The following OSTF1 variants were observed in gnomAD, a reference collection of about 807,000 sequenced individuals.
OSTF1 encodes the protein osteoclast-stimulating factor 1.
Under a neutral mutation model 37.2 loss-of-function variants are expected in OSTF1, and 27 were observed. The ratio of observed to expected loss-of-function variants is 0.73; its 90% confidence interval spans 0.54 to 1.00. The LOEUF is 1.00. Among genes scored for constraint, OSTF1 ranks in the 50% least tolerant of loss-of-function variants. The probability of loss-of-function intolerance (pLI) is 0.00; values close to 1 mark genes in which losing one functional copy is unlikely to be tolerated. For missense variants in OSTF1, 232 were observed against 253.8 expected, an observed-to-expected ratio of 0.91 and a Z score of 0.58; for synonymous variants, 82 against 89.2, an observed-to-expected ratio of 0.92 and a Z score of 0.46.
At position 75,117,563 on chromosome 9, in the gene OSTF1, T is replaced by C; in HGVS notation, c.81+13T>C. 6.3e-7 allele frequency: 1 copy of C among 1,579,878 alleles called. No individual in the cohort carries two copies. Among genetic ancestry groups the C allele is most frequent in the Non-Finnish European group, 8.7e-7 (1 of 1,149,888 alleles). On this transcript the variant is annotated intron_variant, in intron 2 of 9. Transcript: ENST00000346234. ...TGAACCCAGAACTGTAAGTGTTCAG[T>C]TTTTAACTTCTAAAATTGACAGAAA...
intron 1 of OSTF1, among the ~76,000 whole-genome samples, chr9:75,096,732 T>G (rs1204011555): frequency 9.9e-5 from 15 of 152,260 alleles, no homozygotes; most frequent in Admixed American, 3.9e-4. Context: ...CCTGACCAAA[T>G]CCATATTTGG....
chr9:75,138,041 T>G (rs1825870851), intron 8 of OSTF1, among the ~76,000 whole-genome samples: 1 of 152,216 alleles, frequency 6.6e-6, no homozygotes, highest in African/African-American at 2.4e-5. Context: ...TGTCCTGCTT[T>G]GAGCTGAGCA....
chr9:75,120,407 TA>T (rs1295744963), intron 2 of OSTF1, among the ~76,000 whole-genome samples: 2 of 152,006 alleles, frequency 1.3e-5, no homozygotes, highest in African/African-American at 2.4e-5. Context: ...CTGAGAGGGA[TA>T]AAAGTGAGGG....
intron 1 of OSTF1, among the ~76,000 whole-genome samples, chr9:75,115,379 A>G (rs867808507): frequency 6.6e-6 from 1 of 151,738 alleles, no homozygotes; most frequent in Non-Finnish European, 1.5e-5. Flanking sequence ...GCAACCTCCA[A>G]CTCCTGGGTT....
At chr9:75,117,985 G>A (rs1164935400) in intron 2 of OSTF1, among the ~76,000 whole-genome samples, 2 of 152,000 alleles carry the variant, frequency 1.3e-5, no homozygotes, top group Admixed American at 6.6e-5. Flanking sequence ...TGTAGTTTCC[G>A]GTATCCGTCC....
intron 2 of OSTF1, among the ~76,000 whole-genome samples, chr9:75,127,121 G>A (rs1183363634): frequency 1.3e-5 from 2 of 152,186 alleles, no homozygotes; most frequent in African/African-American, 4.8e-5. Flanking sequence ...CTTAAAATGA[G>A]CAGATAGCAG....
At chr9:75,100,481 A>G (rs751860559) in intron 1 of OSTF1, among the ~76,000 whole-genome samples, 22 of 152,070 alleles carry the variant, frequency 1.4e-4, no homozygotes, top group Non-Finnish European at 2.8e-4. Context: ...TGTAATCCCA[A>G]CAGTTTGGGA....
In OSTF1 at chr9:75,088,586, C is replaced by T; in HGVS notation, c.-107C>T. On this transcript the variant is annotated 5_prime_UTR_variant, in exon 1 of 10. In the 5' UTR this introduces an upstream ATG that the reference lacks. Transcript: ENST00000346234. ...GTGGGCGCCGGTCCTAGGAGGCGCA[C>T]GGTTGTAAGCCAGACAAAAAGAACT... is the stretch of plus-strand genomic sequence containing the variant. 1 of 1,235,134 alleles carries T rather than the reference C, an allele frequency of 8.1e-7. No homozygotes were observed. 76.5% of individuals were successfully genotyped at this position (1,235,134 alleles called of 1,614,324 possible). A position where few individuals can be genotyped will look rare whatever the true frequency, so the allele number is the denominator to read the frequency against.
chr9:75,111,981 G>A (rs1043331856), intron 1 of OSTF1, among the ~76,000 whole-genome samples: 19 of 151,432 alleles, frequency 1.3e-4, no homozygotes, highest in African/African-American at 4.6e-4. Flanking sequence ...GTGCCACCAC[G>A]CCCAGCTAAT....
intron 7 of OSTF1, 94 bp downstream of exon 7, chr9:75,134,489 A>G: frequency 1.5e-6 from 1 of 661,370 alleles, no homozygotes; most frequent in Non-Finnish European, 2.7e-6. Flanking sequence ...TGTAGTCAAA[A>G]TCCCACAAGC....
At chr9:75,098,815 G>C (rs776495139) in intron 1 of OSTF1, among the ~76,000 whole-genome samples, 18 of 152,208 alleles carry the variant, frequency 1.2e-4, no homozygotes, top group Non-Finnish European at 1.8e-4. Context: ...CCAGAGAGGA[G>C]GGTTTTCAGT....
intron 8 of OSTF1, among the ~76,000 whole-genome samples, chr9:75,140,404 T>A (rs1825920833): frequency 6.6e-6 from 1 of 152,204 alleles, no homozygotes; most frequent in Non-Finnish European, 1.5e-5. Context: ...GAATTGCCTC[T>A]TGGTTTTACG....
intron 9 of OSTF1, among the ~76,000 whole-genome samples, chr9:75,141,557 A>G (rs1387243784): frequency 6.6e-6 from 1 of 152,122 alleles, no homozygotes; most frequent in Non-Finnish European, 1.5e-5. Flanking sequence ...CCCTCATTTA[A>G]ATATGTATTT....
chr9:75,125,294 A>T (rs1156555747), intron 2 of OSTF1, among the ~76,000 whole-genome samples: 1 of 152,148 alleles, frequency 6.6e-6, no homozygotes, highest in African/African-American at 2.4e-5. Context: ...TCTGGGAGTG[A>T]TCCAGTTTGT....
intron 1 of OSTF1, among the ~76,000 whole-genome samples, chr9:75,101,939 C>G (rs1027623880): frequency 6.6e-6 from 1 of 152,096 alleles, no homozygotes; most frequent in African/African-American, 2.4e-5. Flanking sequence ...TCATAGAGAG[C>G]CAAGAGTAAG....
At chr9:75,108,761 C>T (rs1825334418) in intron 1 of OSTF1, among the ~76,000 whole-genome samples, 1 of 152,076 alleles carries the variant, frequency 6.6e-6, no homozygotes, top group Non-Finnish European at 1.5e-5. Flanking sequence ...GGAAGGATAG[C>T]TTACTAATGT....
intron 2 of OSTF1, among the ~76,000 whole-genome samples, chr9:75,119,316 A>G (rs1364565905): frequency 6.6e-6 from 1 of 152,214 alleles, no homozygotes; most frequent in Admixed American, 6.5e-5. Context: ...GGGGGTGTGC[A>G]TATTCAGACA....
At chr9:75,115,685 C>CT (rs1034637470) in intron 1 of OSTF1, among the ~76,000 whole-genome samples, 9 of 145,250 alleles carry the variant, frequency 6.2e-5, no homozygotes, top group Non-Finnish European at 9.0e-5. Flanking sequence ...TATCTATAGG[C>CT]TTTTTTCCTA....
intron 1 of OSTF1, among the ~76,000 whole-genome samples, chr9:75,105,964 A>T (rs1174607336): frequency 6.6e-6 from 1 of 152,244 alleles, no homozygotes; most frequent in Non-Finnish European, 1.5e-5. Context: ...TTAGAAAGGC[A>T]CACTGTTAAT....
Sources: allele counts gnomAD v4.1 joint callset (sites outside exome capture counted in the v4.1 genomes callset), GRCh38; gene constraint gnomAD v4.1.1; transcripts MANE v1.5; gene names NCBI Gene and HGNC (gene_info 2026-07-23, HGNC 2026-07-21).